MACROD2: variants seen among roughly 807,000 people sequenced by gnomAD.
MACROD2 encodes the protein mono-ADP ribosylhydrolase 2, also known as ADP-ribose glycohydrolase MACROD2.
MACROD2 carries 36 observed loss-of-function variants against 70.4 expected under a neutral mutation model. The ratio of observed to expected loss-of-function variants is 0.51; its 90% confidence interval spans 0.39 to 0.68. The LOEUF (loss-of-function observed/expected upper bound fraction) is 0.68, where lower values mean the gene tolerates loss of function less well. Among genes scored for constraint, MACROD2 ranks in the 30% least tolerant of loss-of-function variants. The pLI is 0.00. For synonymous variants in MACROD2, 172 were observed against 178.8 expected, an observed-to-expected ratio of 0.96 and a Z score of 0.30; for missense variants, 496 against 538.4, an observed-to-expected ratio of 0.92 and a Z score of 0.78.
chr20:15,073,943 C>T (rs1031731959), intron 5 of MACROD2, among the ~76,000 whole-genome samples: 2 of 152,016 alleles, frequency 1.3e-5, no homozygotes, highest in African/African-American at 4.8e-5. Flanking sequence ...GAAAATATTA[C>T]CAGAAAAATT....
At chr20:15,910,630 A>G (rs886359999) in intron 10 of MACROD2, among the ~76,000 whole-genome samples, 20 of 152,216 alleles carry the variant, frequency 1.3e-4, no homozygotes, top group African/African-American at 4.6e-4. Flanking sequence ...CGATGGTCAC[A>G]ACAGAACGCA....
intron 3 of MACROD2, among the ~76,000 whole-genome samples, chr20:14,440,134 G>A (rs763529471): frequency 6.6e-6 from 1 of 152,104 alleles, no homozygotes; most frequent in African/African-American, 2.4e-5. Context: ...AAACTCCCTG[G>A]AATTGGCTTC....
chr20:15,968,196 CT>C (rs2066171948), intron 13 of MACROD2, among the ~76,000 whole-genome samples: 1 of 152,126 alleles, frequency 6.6e-6, no homozygotes, highest in Non-Finnish European at 1.5e-5. Context: ...TAAAGAAAGG[CT>C]TTTCAAGTGT....
At chr20:14,969,915 A>C (rs1433594594) in intron 5 of MACROD2, among the ~76,000 whole-genome samples, 1 of 152,068 alleles carries the variant, frequency 6.6e-6, no homozygotes, top group Non-Finnish European at 1.5e-5. Flanking sequence ...AGGTAGCAAG[A>C]CCCTATTTAT....
chr20:14,330,271 G>A (rs1317750832), intron 3 of MACROD2, among the ~76,000 whole-genome samples: 2 of 152,010 alleles, frequency 1.3e-5, no homozygotes, highest in African/African-American at 2.4e-5. Context: ...AAATATGCAC[G>A]AAGATTTTTT....
chr20:15,458,842 G>A (rs796673370), intron 7 of MACROD2, among the ~76,000 whole-genome samples: 22 of 152,180 alleles, frequency 1.4e-4, no homozygotes, highest in African/African-American at 4.6e-4. Context: ...CAAATGCAGA[G>A]AAGTACCCCT....
intron 4 of MACROD2, among the ~76,000 whole-genome samples, chr20:14,517,540 G>T (rs1361366558): frequency 1.3e-5 from 2 of 152,090 alleles, no homozygotes; most frequent in Admixed American, 1.3e-4. Flanking sequence ...CCTGTCAGTG[G>T]GTGGGGGACT....
chr20:15,613,754 T>C (rs2049001272), intron 8 of MACROD2, among the ~76,000 whole-genome samples: 1 of 152,234 alleles, frequency 6.6e-6, no homozygotes. Flanking sequence ...ACTCTAAGGC[T>C]GCCTTCACAC....
At chr20:14,958,931 T>C (rs1282215307) in intron 5 of MACROD2, among the ~76,000 whole-genome samples, 2 of 152,128 alleles carry the variant, frequency 1.3e-5, no homozygotes. Context: ...CTAAGAACAC[T>C]GCAAAATGTT....
intron 3 of MACROD2, among the ~76,000 whole-genome samples, chr20:14,141,650 C>T (rs1467133006): frequency 6.9e-6 from 1 of 144,370 alleles, no homozygotes; most frequent in Non-Finnish European, 1.5e-5. Context: ...GAGGCGGAGG[C>T]AGGAGAATTG....
intron 2 of MACROD2, among the ~76,000 whole-genome samples, chr20:14,029,672 G>C (rs574005760): frequency 6.6e-6 from 1 of 152,270 alleles, no homozygotes; most frequent in East Asian, 1.9e-4. Flanking sequence ...TATTCAGAGA[G>C]GTTCTAGATA....
At chr20:14,231,774 T>G (rs962723491) in intron 3 of MACROD2, among the ~76,000 whole-genome samples, 2 of 152,372 alleles carry the variant, frequency 1.3e-5, no homozygotes, top group East Asian at 3.9e-4. Context: ...AAAGTGTTCC[T>G]GTTTCTCCAC....
Position 14,099,382 on chromosome 20 carries a change from C to T in MACROD2, c.271+13654C>T, listed in dbSNP as rs1243082869. Among the ~76,000 whole-genome samples, 5 of 151,902 alleles carry T rather than the reference C, an allele frequency of 3.3e-5. No homozygotes were observed. In the East Asian group the frequency reaches 5.8e-4, roughly 18 times the overall value. ...TATTTACTATCTTGACTTCTAGTAA[C>T]GTGGATTACTTTTGCCTGTTTTTGT... On this transcript the variant is annotated intron_variant, in intron 3 of 17. Coordinates refer to ENST00000684519, the MANE Select transcript of MACROD2 (RefSeq NM_001351661.2).
In MACROD2 at chr20:15,720,025, C is replaced by G. The variant is rs116338572; in HGVS notation, c.646-142720C>G. Among the ~76,000 whole-genome samples the G allele has an allele frequency of 3.1e-3, 472 of 152,186 alleles. 3 individuals carry two copies. Among genetic ancestry groups the G allele is most frequent in the African/African-American group, 0.011 (448 of 41,524 alleles). ...CTTTGATAAGATCAGTTTTTTAGCT[C>G]CTACATATGAATGAGAAAATGTTGT... is the stretch of plus-strand genomic sequence containing the variant. On this transcript the variant is annotated intron_variant, in intron 8 of 17. Transcript: ENST00000684519.
intron 5 of MACROD2, among the ~76,000 whole-genome samples, chr20:14,941,928 C>T (rs915011653): frequency 2.6e-5 from 4 of 151,084 alleles, no homozygotes; most frequent in Non-Finnish European, 2.9e-5. Context: ...GGACCACTGA[C>T]GTGTGCCACC....
At chr20:15,150,950 T>C (rs955438333) in intron 5 of MACROD2, among the ~76,000 whole-genome samples, 13 of 151,856 alleles carry the variant, frequency 8.6e-5, no homozygotes, top group African/African-American at 2.9e-4. Flanking sequence ...AAACAGGCCC[T>C]TGAAAAGAAG....
At chr20:15,264,688 G>A (rs6135377) in intron 6 of MACROD2, among the ~76,000 whole-genome samples, 35,009 of 152,070 alleles carry the variant, frequency 0.23, 4,220 homozygotes, top group Non-Finnish European at 0.26. Context: ...GTCTCTCTGA[G>A]CACAGTATCC....
intron 8 of MACROD2, among the ~76,000 whole-genome samples, chr20:15,689,923 C>A (rs1204787803): frequency 1.3e-5 from 2 of 152,226 alleles, no homozygotes; most frequent in East Asian, 1.9e-4. Context: ...ATAATCAGTT[C>A]TATCCCAACC....
chr20:15,747,226 T>C (rs955913192), intron 8 of MACROD2, among the ~76,000 whole-genome samples: 3 of 152,106 alleles, frequency 2.0e-5, no homozygotes, highest in Non-Finnish European at 4.4e-5. Flanking sequence ...TGAATGTAGG[T>C]ACCAGGACTA....
Sources: allele counts gnomAD v4.1 joint callset (sites outside exome capture counted in the v4.1 genomes callset), GRCh38; gene constraint gnomAD v4.1.1; transcripts MANE v1.5; gene names NCBI Gene and HGNC (gene_info 2026-07-23, HGNC 2026-07-21).